The following PDE9A variants were observed in gnomAD, a reference collection of about 807,000 sequenced individuals.
PDE9A encodes the protein phosphodiesterase 9A.
A neutral mutation model predicts 87.4 loss-of-function variants in PDE9A; 60 were observed. That is an observed-to-expected ratio of 0.69 (90% CI 0.56 to 0.85). The LOEUF (loss-of-function observed/expected upper bound fraction) is 0.85. Ranked by LOEUF, PDE9A falls within the 40% of genes least tolerant of loss-of-function variation. The pLI is 0.00. For synonymous variants in PDE9A, 272 were observed against 279.4 expected (o/e 0.97, Z 0.27); for missense variants, 665 against 779.0 (o/e 0.85, Z 1.74).
intron 3 of PDE9A, among the ~76,000 whole-genome samples, chr21:42,691,821 ACC>A (rs917880249): frequency 2.6e-5 from 4 of 151,218 alleles, no homozygotes; most frequent in African/African-American, 9.7e-5. Context: ...ATTTGAGGTC[ACC>A]CAGACCCATC....
intron 1 of PDE9A, among the ~76,000 whole-genome samples, chr21:42,672,403 G>A (rs116437012): frequency 2.1e-4 from 32 of 152,378 alleles, no homozygotes; most frequent in African/African-American, 7.2e-4. Flanking sequence ...TAGGGCGTTT[G>A]GCTCTGGTTC....
chr21:42,741,180 G>A (rs139175081), intron 7 of PDE9A: 124 of 152,308 alleles, frequency 8.1e-4, no homozygotes, highest in African/African-American at 2.9e-3. Context: ...TCACGTCAGT[G>A]TCCACGTGGC....
chr21:42,762,348 C>A, intron 14 of PDE9A, 109 bp downstream of exon 14: 2 of 1,173,590 alleles, frequency 1.7e-6, no homozygotes, highest in Non-Finnish European at 2.4e-6. Flanking sequence ...CACAGCAGTG[C>A]CCTGGGGACC....
intron 4 of PDE9A, among the ~76,000 whole-genome samples, chr21:42,708,074 G>A (rs1053687358): frequency 6.6e-6 from 1 of 152,196 alleles, no homozygotes; most frequent in Non-Finnish European, 1.5e-5. Flanking sequence ...TGTTGCTCAT[G>A]AGAAATAATA....
At position 42,674,217 on chromosome 21, in the gene PDE9A, G is replaced by A. The variant is rs555963418; in HGVS notation, c.70-11975G>A. Reference sequence around the variant, plus strand: ...GGACTCTCCTGGAGCCCCCAGACACGACACCCTTCCTCATCACTGAAAATC... The same window carrying A: ...GGACTCTCCTGGAGCCCCCAGACACAACACCCTTCCTCATCACTGAAAATC... On this transcript the variant is annotated intron_variant, in intron 1 of 19. Transcript: ENST00000291539. 9.1e-4 allele frequency among the ~76,000 whole-genome samples: 139 copies of A among 151,916 alleles called. 2 individuals are homozygous for A. Among genetic ancestry groups the A allele is most frequent in the African/African-American group, 3.0e-3 (125 of 41,402 alleles).
rs2050763483 is a variant in PDE9A at position 42,723,799 on chromosome 21, G to T, written c.263-7971G>T. On this transcript the variant is annotated intron_variant, in intron 4 of 19. Coordinates refer to ENST00000291539, the MANE Select transcript of PDE9A (RefSeq NM_002606.3). This position sits in a 1 kb window ranked among gnomAD's most constrained non-coding sequence, Gnocchi z 4.3. ...ATTTGCTCAAAAACTTCCAGGTCCAGAGGGACCCTAAAGACCCTGTCATGT... is the reference window on the plus strand; with the variant it reads ...ATTTGCTCAAAAACTTCCAGGTCCATAGGGACCCTAAAGACCCTGTCATGT... 6.6e-6 allele frequency among the ~76,000 whole-genome samples: 1 copy of T among 152,202 alleles called. No individual in the cohort carries two copies.
At chr21:42,773,829 G>A (rs1265389842) in intron 19 of PDE9A, among the ~76,000 whole-genome samples, 1 of 148,708 alleles carries the variant, frequency 6.7e-6, no homozygotes, top group African/African-American at 2.5e-5. Context: ...AATAAGCCGG[G>A]CGCAGTGGCT....
At chr21:42,735,576 G>A (rs545540410) in intron 7 of PDE9A, among the ~76,000 whole-genome samples, 11 of 152,206 alleles carry the variant, frequency 7.2e-5, no homozygotes, top group African/African-American at 1.9e-4. Context: ...AATCCTTACC[G>A]TTCCTGAGCT....
chr21:42,768,567 C>T, intron 16 of PDE9A: 1 of 985,418 alleles, frequency 1.0e-6, no homozygotes, highest in Non-Finnish European at 1.2e-6. Flanking sequence ...CCTTGTCAAA[C>T]AAATTGCCTG....
chr21:42,765,011 ATGGATGG>A (rs1359466627), intron 14 of PDE9A, among the ~76,000 whole-genome samples: 27 of 144,370 alleles, frequency 1.9e-4, no homozygotes, highest in Middle Eastern at 3.4e-3. Context: ...GGATGGATGG[ATGGATGG>A]ATGGGTGGAT....
At position 42,705,607 on chromosome 21, in the gene PDE9A, G is replaced by A. The variant is rs1444776747; in HGVS notation, c.262+6596G>A. Among the ~76,000 whole-genome samples, 3 of 152,164 alleles carry A rather than the reference G, an allele frequency of 2.0e-5. No homozygotes were observed. The highest frequency in any genetic ancestry group is 1.9e-4 in the East Asian group (1 of 5,184). On this transcript the variant is annotated intron_variant, in intron 4 of 19. Coordinates refer to ENST00000291539, the MANE Select transcript of PDE9A (RefSeq NM_002606.3). The surrounding 1 kb of genome is among the most constrained non-coding windows in gnomAD (Gnocchi z 4.3). The stretch of plus-strand genomic sequence containing the variant: ...GGGATTGTGTCTTTTTGACCAGAGC[G>A]TTAGGGAAAGCGTGCTGCAGTCACA...
At chr21:42,753,579 G>A (rs1404168518) in intron 9 of PDE9A, among the ~76,000 whole-genome samples, 2 of 152,078 alleles carry the variant, frequency 1.3e-5, no homozygotes, top group Non-Finnish European at 2.9e-5. Flanking sequence ...GAGAACGGGA[G>A]AAGCTGGGTG....
At chr21:42,753,969 C>T (rs369817692) in intron 9 of PDE9A, 21 bp from the exon 10 acceptor site, 61 of 1,545,624 alleles carry the variant, frequency 3.9e-5, no homozygotes, top group African/African-American at 5.5e-5. Context: ...CTGGTTAACA[C>T]GGAACTCCTG....
At chr21:42,769,748 A>ACACACAGGTATGCACATGCACG (rs1361720837) in intron 17 of PDE9A, among the ~76,000 whole-genome samples, 4 of 150,826 alleles carry the variant, frequency 2.7e-5, no homozygotes, top group African/African-American at 9.9e-5. Flanking sequence ...ACACACATGC[A>ACACACAGGTATGCACATGCACG]CACACAGGTA....
intron 7 of PDE9A, chr21:42,741,406 A>C (rs78709145): frequency 6.6e-6 from 1 of 152,206 alleles, no homozygotes; most frequent in African/African-American, 2.4e-5. Context: ...GTGGACTCTT[A>C]GTGGTTGGAC....
At chr21:42,775,091 G>T (rs963599970) in intron 19 of PDE9A, among the ~76,000 whole-genome samples, 189 bp from the exon 20 acceptor site, 1 of 151,782 alleles carries the variant, frequency 6.6e-6, no homozygotes, top group African/African-American at 2.4e-5. Context: ...ACAGGTGTGT[G>T]CCACCACGCC....
At chr21:42,719,335 G>A (rs972902495) in intron 4 of PDE9A, among the ~76,000 whole-genome samples, 1 of 151,864 alleles carries the variant, frequency 6.6e-6, no homozygotes, top group African/African-American at 2.4e-5. Flanking sequence ...GCAAGAAATA[G>A]AATATTATTC....
rs966280265 is a variant in PDE9A, at chr21:42,674,546, C to T, written c.70-11646C>T. 3.9e-5 allele frequency among the ~76,000 whole-genome samples: 6 copies of T among 152,220 alleles called. No individual in the cohort carries two copies. The South Asian group carries it at 6.2e-4, about 16-fold the overall frequency. On this transcript the variant is annotated intron_variant, in intron 1 of 19. Transcript: ENST00000291539. ...GGCCTTTGTAAAACGGCTCCGCCTA[C>T]GCGCCTGTAGCCAGTGCAGAACCAG...
chr21:42,656,568 G>A (rs1391827737), intron 1 of PDE9A, among the ~76,000 whole-genome samples: 2 of 148,346 alleles, frequency 1.3e-5, no homozygotes, highest in East Asian at 2.0e-4. Flanking sequence ...GTGATTCAGA[G>A]GAGCCGCTGC....
Sources: allele counts gnomAD v4.1 joint callset (sites outside exome capture counted in the v4.1 genomes callset), GRCh38; gene constraint gnomAD v4.1.1; non-coding constraint Gnocchi (gnomAD v3.1); transcripts MANE v1.5; gene names NCBI Gene and HGNC (gene_info 2026-07-23, HGNC 2026-07-21).